Variants in SPTBN1 observed in about 807,000 individuals in gnomAD.
SPTBN1 encodes the protein spectrin beta, non-erythrocytic 1.
In SPTBN1, 32 loss-of-function variants were observed where a neutral mutation model predicts 266.4. The observed-to-expected ratio is 0.12, with a 90% CI of 0.09 to 0.16. The LOEUF is 0.16. SPTBN1 is among the 10% of genes least tolerant of loss of function. SPTBN1 has a pLI of 1.00. For missense variants in SPTBN1, 2,296 were observed against 3,067.1 expected, an observed-to-expected ratio of 0.75 and a Z score of 5.94; for synonymous variants, 1,336 against 1,162.2, an observed-to-expected ratio of 1.15 and a Z score of -3.04.
chr2:54,622,999 C>A (rs1249744693), intron 9 of SPTBN1, among the ~76,000 whole-genome samples: 1 of 151,976 alleles, frequency 6.6e-6, no homozygotes, highest in African/African-American at 2.4e-5. Flanking sequence ...TTTTTCATAT[C>A]TTTTTTAAGT....
intron 1 of SPTBN1, among the ~76,000 whole-genome samples, chr2:54,462,291 T>C (rs1251696867): frequency 6.6e-6 from 1 of 152,242 alleles, no homozygotes; most frequent in Non-Finnish European, 1.5e-5. Flanking sequence ...AACCTTTTTA[T>C]GTCAGGAGAG....
rs1052607884 is a variant in SPTBN1 at position 54,626,972 on chromosome 2, C to T, written c.1644+738C>T. On this transcript the variant is annotated intron_variant, in intron 12 of 35. Transcript: ENST00000356805. This position sits in a 1 kb window ranked among gnomAD's most constrained non-coding sequence, Gnocchi z 4.7. ...CCATGGAATGCTCAGCCATGCCAAG[C>T]AGTTCTCCAGCTGGGAGGCCTTTAG... Among the ~76,000 whole-genome samples the T allele has an allele frequency of 6.6e-6, 1 of 152,116 alleles. No homozygotes were observed. The highest frequency in any genetic ancestry group is 1.5e-5 in the Non-Finnish European group (1 of 68,024).
intron 24 of SPTBN1, among the ~76,000 whole-genome samples, chr2:54,648,049 T>C (rs971304490): frequency 2.0e-5 from 3 of 152,170 alleles, no homozygotes; most frequent in African/African-American, 7.2e-5. Flanking sequence ...CTCTTCGATA[T>C]CAAGTGATTA....
intron 1 of SPTBN1, among the ~76,000 whole-genome samples, chr2:54,487,194 G>C (rs1347660427): frequency 2.4e-5 from 1 of 41,988 alleles, no homozygotes; most frequent in Non-Finnish European, 4.8e-5. Context: ...TTTTTTTGCT[G>C]CTTTTTAACT....
intron 2 of SPTBN1, among the ~76,000 whole-genome samples, chr2:54,561,081 A>G (rs535703095): frequency 6.6e-6 from 1 of 152,318 alleles, no homozygotes; most frequent in African/African-American, 2.4e-5. Flanking sequence ...TCTTCTGAGT[A>G]TAATCTTTCC....
rs929213251 is a variant in SPTBN1, at chr2:54,631,328, T to C, written c.3281T>C (p.Leu1094Pro). Residue 1094 changes from leucine to proline, a missense_variant, in exon 16 of 36, where the codon CTG becomes CCG. Around this residue, in one of 12 missense-constraint regions of SPTBN1, gnomAD observed 386 missense variants for 486.1 expected, o/e 0.79. Coordinates refer to ENST00000356805, the MANE Select transcript of SPTBN1 (RefSeq NM_003128.3). ...GCCTCGGAGGACATGCCAAACACCC[T>C]GACCGAGGCTGAGAAGCTGCTCACG... is the stretch of plus-strand genomic sequence containing the variant. ...AIASEDMPNTLTEAEKLLTQH... is the reference protein window; with the variant it reads ...AIASEDMPNTPTEAEKLLTQH... 5.6e-6 allele frequency: 9 copies of C among 1,614,216 alleles called. No individual in the cohort carries two copies. The Admixed American group carries it at 1.2e-4, about 21-fold the overall frequency.
intron 5 of SPTBN1, 117 bp downstream of exon 5, chr2:54,616,415 G>A: frequency 1.3e-6 from 1 of 792,860 alleles, no homozygotes. Context: ...GGGAAGTCTT[G>A]TTAACTCGCA....
At chr2:54,538,883 G>A (rs1671771081) in intron 2 of SPTBN1, among the ~76,000 whole-genome samples, 1 of 152,176 alleles carries the variant, frequency 6.6e-6, no homozygotes, top group Non-Finnish European at 1.5e-5. Context: ...CCATTTGCGG[G>A]TTCTCAGCCC....
chr2:54,537,360 G>A (rs1053745783), intron 2 of SPTBN1, among the ~76,000 whole-genome samples: 4 of 152,128 alleles, frequency 2.6e-5, no homozygotes, highest in East Asian at 1.9e-4. Flanking sequence ...TGATTGACCC[G>A]GAAGATCCTT....
chr2:54,596,616 A>T (rs994292395), intron 2 of SPTBN1, among the ~76,000 whole-genome samples: 2 of 152,152 alleles, frequency 1.3e-5, no homozygotes, highest in African/African-American at 4.8e-5. Context: ...CCTGCTCCTG[A>T]CTGTGAGGAG....
intron 2 of SPTBN1, among the ~76,000 whole-genome samples, chr2:54,580,437 G>C (rs1201367392): frequency 6.6e-6 from 1 of 152,056 alleles, no homozygotes; most frequent in Admixed American, 6.6e-5. Flanking sequence ...CCTGTTTCTT[G>C]AGAATACATA....
chr2:54,586,121 C>T (rs1306091884), intron 2 of SPTBN1, among the ~76,000 whole-genome samples: 2 of 152,140 alleles, frequency 1.3e-5, no homozygotes, highest in Non-Finnish European at 2.9e-5. Flanking sequence ...TTGTTCGTGA[C>T]TTCTGAAATC....
At chr2:54,641,814 G>A (rs1007226924) in intron 18 of SPTBN1, among the ~76,000 whole-genome samples, 1 of 152,132 alleles carries the variant, frequency 6.6e-6, no homozygotes, top group Non-Finnish European at 1.5e-5. Context: ...CAAATCTCGG[G>A]GAGCCTTTCC....
chr2:54,606,553 T>C (rs539723569), intron 3 of SPTBN1, among the ~76,000 whole-genome samples: 2 of 152,230 alleles, frequency 1.3e-5, no homozygotes, highest in Non-Finnish European at 2.9e-5. Context: ...TCCCCATCCC[T>C]CAAATTTGAA....
intron 2 of SPTBN1, among the ~76,000 whole-genome samples, chr2:54,572,549 C>G (rs1035540563): frequency 7.2e-5 from 11 of 152,184 alleles, no homozygotes; most frequent in African/African-American, 2.7e-4. Context: ...AATGTGCAAA[C>G]TTGGTCTTTT....
chr2:54,558,796 G>C lies in SPTBN1; in HGVS notation c.148+32230G>C, dbSNP rs769926536. The C allele has an allele frequency of 4.3e-6, 7 of 1,613,720 alleles. No homozygotes were observed. Among genetic ancestry groups the C allele is most frequent in the Non-Finnish European group, 5.9e-6 (7 of 1,179,774 alleles). On this transcript the variant is annotated intron_variant, in intron 2 of 35. Coordinates refer to ENST00000356805, the MANE Select transcript of SPTBN1 (RefSeq NM_003128.3). This position sits in a 1 kb window ranked among gnomAD's most constrained non-coding sequence, Gnocchi z 4.6. Reference sequence around the variant, plus strand: ...CGGGCATAATGGAATTGCAGAGGACGTCTAGTATCTCCGGGCCGCTGTCGC... The same window carrying C: ...CGGGCATAATGGAATTGCAGAGGACCTCTAGTATCTCCGGGCCGCTGTCGC...
At chr2:54,634,717 CTG>C (rs765789273) in intron 17 of SPTBN1, among the ~76,000 whole-genome samples, 2 of 152,224 alleles carry the variant, frequency 1.3e-5, no homozygotes, top group East Asian at 1.9e-4. Flanking sequence ...CATCCTGACA[CTG>C]TGGTGAAGCG....
chr2:54,487,402 ATAC>A (rs72192991), intron 1 of SPTBN1, among the ~76,000 whole-genome samples: 90,877 of 151,618 alleles, frequency 0.6, 28,538 homozygotes, highest in African/African-American at 0.79. Context: ...TATGCATGAC[ATAC>A]TACTACTGTA....
intron 2 of SPTBN1, among the ~76,000 whole-genome samples, chr2:54,557,081 T>G (rs1672925163): frequency 6.6e-6 from 1 of 152,218 alleles, no homozygotes. Flanking sequence ...GGGCCTGGCT[T>G]TCAAAAGCCA....
Sources: allele counts gnomAD v4.1 joint callset (sites outside exome capture counted in the v4.1 genomes callset), GRCh38; gene constraint gnomAD v4.1.1; regional missense constraint gnomAD v4.1.1; non-coding constraint Gnocchi (gnomAD v3.1); transcripts MANE v1.5; gene names NCBI Gene and HGNC (gene_info 2026-07-23, HGNC 2026-07-21).